JKAMP: variants seen among roughly 807,000 people sequenced by gnomAD.
JKAMP encodes the protein JNK1/MAPK8-associated membrane protein.
In JKAMP, 20 loss-of-function variants were observed where a neutral mutation model predicts 40.2. That is an observed-to-expected ratio of 0.50 (90% CI 0.35 to 0.72). JKAMP has a LOEUF of 0.72. Ranked by LOEUF, JKAMP falls within the 30% of genes least tolerant of loss-of-function variation. The probability of loss-of-function intolerance (pLI) is 0.01; values close to 1 mark genes in which losing one functional copy is unlikely to be tolerated. For missense variants in JKAMP, 276 were observed against 373.0 expected (o/e 0.74, Z 2.14); for synonymous variants, 138 against 131.6 (o/e 1.05, Z -0.33).
At chr14:59,492,670 A>G (rs1891107635) in intron 3 of JKAMP, among the ~76,000 whole-genome samples, 1 of 152,184 alleles carries the variant, frequency 6.6e-6, no homozygotes, top group African/African-American at 2.4e-5. Flanking sequence ...AGGCTTCCAG[A>G]GGAAAAGAGC....
intron 3 of JKAMP, among the ~76,000 whole-genome samples, chr14:59,493,760 G>T (rs944402799): frequency 6.6e-6 from 1 of 152,050 alleles, no homozygotes; most frequent in African/African-American, 2.4e-5. Flanking sequence ...AGAGCAAAGG[G>T]CCAGGAATAG....
intron 1 of JKAMP, chr14:59,485,002 C>G (rs746552148): frequency 1.3e-6 from 2 of 1,583,468 alleles, no homozygotes; most frequent in Non-Finnish European, 1.7e-6. Flanking sequence ...TTATAGCGCC[C>G]GTCACAAAGG....
intron 6 of JKAMP, 132 bp from the exon 7 acceptor site, chr14:59,503,722 T>C: frequency 3.2e-6 from 2 of 618,700 alleles, no homozygotes; most frequent in Non-Finnish European, 2.7e-6. Context: ...TTCTTAAGTC[T>C]TTTTTAGCTC....
At chr14:59,499,300 C>T (rs1334371047) in intron 5 of JKAMP, among the ~76,000 whole-genome samples, 2 of 151,320 alleles carry the variant, frequency 1.3e-5, no homozygotes, top group Non-Finnish European at 2.9e-5. Flanking sequence ...AAGTTCATGA[C>T]GAAATTAAAA....
At chr14:59,491,531 T>C (rs1391517979) in intron 3 of JKAMP, among the ~76,000 whole-genome samples, 1 of 152,228 alleles carries the variant, frequency 6.6e-6, no homozygotes, top group African/African-American at 2.4e-5. Context: ...TGTCAAATTA[T>C]GTAATGTGAA....
rs796697193 is a variant in JKAMP, at chr14:59,502,773, T to TTTTTG, written c.718-1081_718-1080insTTTTG. Among the ~76,000 whole-genome samples, 570 of 102,798 alleles carry TTTTTG rather than the reference T, an allele frequency of 5.5e-3. 35 individuals carry two copies. Among genetic ancestry groups the TTTTTG allele is most frequent in the African/African-American group, 0.015 (375 of 25,768 alleles). The allele number at this position is 102,798 out of a possible 152,430, so 67.4% of individuals were successfully genotyped here. A position where few individuals can be genotyped will look rare whatever the true frequency, so the allele number is the denominator to read the frequency against. On this transcript the variant is annotated intron_variant, in intron 6 of 6. Coordinates refer to ENST00000616435, the MANE Select transcript of JKAMP (RefSeq NM_016475.5). ...AGATTTTTTTTTTTTTTTTTTTTTTTCGGAGTCTCACTCTGTCGCTTAGGC... is the reference window on the plus strand; with the variant it reads ...AGATTTTTTTTTTTTTTTTTTTTTTTTTTTGCGGAGTCTCACTCTGTCGCTTAGGC...
intron 4 of JKAMP, among the ~76,000 whole-genome samples, chr14:59,496,050 TG>T (rs1299347951): frequency 2.0e-5 from 3 of 152,250 alleles, no homozygotes; most frequent in Admixed American, 6.5e-5. Flanking sequence ...ATTACAGGCA[TG>T]TGCCACTATG....
rs1555339682 is a variant in JKAMP at position 59,502,750 on chromosome 14, A to ATTTTTGTTTTTTTTTCTTTGTTTTTG, written c.718-1099_718-1098insGTTTTTTTTTCTTTGTTTTTGTTTTT. Among the ~76,000 whole-genome samples the ATTTTTGTTTTTTTTTCTTTGTTTTTG allele has an allele frequency of 1.0e-3, 5 of 4,908 alleles. 2 individuals carry two copies. Among genetic ancestry groups the ATTTTTGTTTTTTTTTCTTTGTTTTTG allele is most frequent in the Non-Finnish European group, 7.8e-4 (1 of 1,288 alleles). The allele number at this position is 4,908 out of a possible 152,430, so 3.2% of individuals were successfully genotyped here. On this transcript the variant is annotated intron_variant, in intron 6 of 6. Coordinates refer to ENST00000616435, the MANE Select transcript of JKAMP (RefSeq NM_016475.5). ...TATTTGGATATTTGAATAAAATGAG[A>ATTTTTGTTTTTTTTTCTTTGTTTTTG]TTTTTTTTTTTTTTTTTTTTTTTCG... is the stretch of plus-strand genomic sequence containing the variant.
At chr14:59,488,060 A>G (rs1040608761) in intron 3 of JKAMP, among the ~76,000 whole-genome samples, 2 of 152,150 alleles carry the variant, frequency 1.3e-5, no homozygotes, top group African/African-American at 4.8e-5. Context: ...TTGAAGGAAT[A>G]CTTTTACTTC....
chr14:59,488,371 T>G (rs1890741859), intron 3 of JKAMP, among the ~76,000 whole-genome samples: 1 of 152,118 alleles, frequency 6.6e-6, no homozygotes, highest in South Asian at 2.1e-4. Context: ...TAAATCAGTC[T>G]TAGAAATGTA....
intron 4 of JKAMP, among the ~76,000 whole-genome samples, chr14:59,497,870 T>C (rs1308421690): frequency 6.6e-6 from 1 of 152,164 alleles, no homozygotes; most frequent in Non-Finnish European, 1.5e-5. Flanking sequence ...AAATGACTGC[T>C]GACTTCCTAG....
chr14:59,500,328 G>A (rs1253120), intron 5 of JKAMP, among the ~76,000 whole-genome samples: 5,689 of 152,180 alleles, frequency 0.037, 349 homozygotes, highest in African/African-American at 0.13. Flanking sequence ...GGGTTCTACT[G>A]CAATGATAAG....
chr14:59,488,792 C>A (rs1215936087), intron 3 of JKAMP, among the ~76,000 whole-genome samples: 1 of 152,202 alleles, frequency 6.6e-6, no homozygotes, highest in African/African-American at 2.4e-5. Flanking sequence ...GAAATACTCT[C>A]TTCATCTGAC....
At position 59,485,208 on chromosome 14, in the gene JKAMP, G is replaced by A. The variant is rs539834916; in HGVS notation, c.4+615G>A. 1.0e-5 allele frequency: 14 copies of A among 1,391,496 alleles called. No homozygotes were observed. The Middle Eastern group carries it at 5.6e-4, about 55-fold the overall frequency. 86.2% of individuals were successfully genotyped at this position (1,391,496 alleles called of 1,614,324 possible). On this transcript the variant is annotated intron_variant, in intron 1 of 6. Coordinates refer to ENST00000616435, the MANE Select transcript of JKAMP (RefSeq NM_016475.5). ...AACTTTAGATTATTGATATTCACGT[G>A]TATTTATTAAGCATCTACTAGATGT...
At chr14:59,501,016 T>C in intron 5 of JKAMP, 175 bp from the exon 6 acceptor site, 1 of 562,592 alleles carries the variant, frequency 1.8e-6, no homozygotes, top group Non-Finnish European at 3.1e-6. Flanking sequence ...ATTTACTATC[T>C]TGCCCTTTCC....
chr14:59,485,423 G>A, intron 1 of JKAMP: 1 of 280,258 alleles, frequency 3.6e-6, no homozygotes, highest in Non-Finnish European at 6.6e-6. Flanking sequence ...TATTAAACTG[G>A]AGGAATATTA....
At position 59,505,382 on chromosome 14, in the gene JKAMP, T is replaced by C; in HGVS notation, c.*1310T>C. 1 of 814,440 alleles carries C rather than the reference T, an allele frequency of 1.2e-6. No homozygotes were observed. 50.5% of individuals were successfully genotyped at this position (814,440 alleles called of 1,614,324 possible). Reference sequence around the variant, plus strand: ...GCACACATTTGGGGGGTTATTAGTGTTCATTAAAATTCTGAGTTGCCCAAA... The same window carrying C: ...GCACACATTTGGGGGGTTATTAGTGCTCATTAAAATTCTGAGTTGCCCAAA... On this transcript the variant is annotated 3_prime_UTR_variant, in exon 7 of 7. Transcript: ENST00000616435.
chr14:59,496,395 C>A (rs74446132), intron 4 of JKAMP, among the ~76,000 whole-genome samples: 4 of 151,762 alleles, frequency 2.6e-5, no homozygotes, highest in African/African-American at 7.2e-5. Flanking sequence ...CATAACTTAA[C>A]GTGGTCCTAT....
intron 4 of JKAMP, among the ~76,000 whole-genome samples, chr14:59,497,568 AAACAAGAC>A (rs1229637369): frequency 6.6e-6 from 1 of 152,198 alleles, no homozygotes; most frequent in African/African-American, 2.4e-5. Context: ...AAGAGGTAGC[AAACAAGAC>A]TAGGAAACTA....
Sources: allele counts gnomAD v4.1 joint callset (sites outside exome capture counted in the v4.1 genomes callset), GRCh38; gene constraint gnomAD v4.1.1; transcripts MANE v1.5; gene names NCBI Gene and HGNC (gene_info 2026-07-23, HGNC 2026-07-21).